Variants in IFT81 observed in about 807,000 individuals in gnomAD.
IFT81 encodes intraflagellar transport protein 81 homolog.
A neutral mutation model predicts 102.6 loss-of-function variants in IFT81; 72 were observed. The ratio of observed to expected loss-of-function variants is 0.70; its 90% CI spans 0.58 to 0.85. The LOEUF (loss-of-function observed/expected upper bound fraction) is 0.85, where lower values mean the gene tolerates loss of function less well. IFT81 is among the 40% of genes least tolerant of loss of function. IFT81 has a pLI of 0.00. For missense variants in IFT81, 723 were observed against 787.3 expected (o/e 0.92, Z 0.98); for synonymous variants, 237 against 242.7 (o/e 0.98, Z 0.22).
chr12:110,172,988 T>TG (rs1205135549), intron 11 of IFT81, among the ~76,000 whole-genome samples: 28 of 123,306 alleles, frequency 2.3e-4, no homozygotes, highest in African/African-American at 8.0e-4. Flanking sequence ...AGGAGGGAGG[T>TG]GGGGGGGTCA....
At chr12:110,158,974 A>G (rs912092581) in intron 10 of IFT81, among the ~76,000 whole-genome samples, 4 of 152,116 alleles carry the variant, frequency 2.6e-5, no homozygotes, top group African/African-American at 9.6e-5. Context: ...CGCCCGCCTC[A>G]GCCTCCCAAA....
intron 11 of IFT81, among the ~76,000 whole-genome samples, chr12:110,163,654 C>T (rs1303106961): frequency 4.9e-5 from 7 of 142,498 alleles, no homozygotes; most frequent in East Asian, 2.0e-4. Context: ...CTCGCTCTGT[C>T]GCCCAGGCTG....
intron 18 of IFT81, chr12:110,216,582 A>G (rs947551338): frequency 2.0e-5 from 9 of 452,918 alleles, no homozygotes; most frequent in African/African-American, 8.0e-5. Flanking sequence ...CAGTGGCACA[A>G]TCTTGGCTCA....
chr12:110,163,614 CTT>C (rs895090240), intron 11 of IFT81, among the ~76,000 whole-genome samples: 11 of 126,104 alleles, frequency 8.7e-5, no homozygotes, highest in Non-Finnish European at 8.5e-5. Context: ...CAAATTTTCA[CTT>C]TTTTTTTTTT....
chr12:110,195,259 T>A (rs138024257), intron 14 of IFT81, among the ~76,000 whole-genome samples: 53 of 152,250 alleles, frequency 3.5e-4, no homozygotes, highest in African/African-American at 1.1e-3. Flanking sequence ...GGTTTAGTTT[T>A]AGCCTTTTAA....
intron 3 of IFT81, 49 bp downstream of exon 3, chr12:110,128,198 C>A: frequency 8.6e-7 from 1 of 1,160,416 alleles, no homozygotes; most frequent in Non-Finnish European, 1.3e-6. Context: ...CTTTAATATC[C>A]AAACCTTCAT....
rs1365902127 is a variant in IFT81, at chr12:110,136,784, T to C, written c.705T>C (p.His235=). Residue 235 remains histidine (H), a synonymous_variant, in exon 8 of 19, where the codon CAT becomes CAC. Coordinates refer to ENST00000242591, the MANE Select transcript of IFT81 (RefSeq NM_014055.4). ...TTAATTGTATTTTAAAGCTATTTCA[T>C]GCAGTGCAAAGATTGCAAAGAGTAC... is the stretch of plus-strand genomic sequence containing the variant. ...QKQEQKNQLF[H]AVQRLQRVQN... 1 of 1,604,456 alleles carries C rather than the reference T, an allele frequency of 6.2e-7. No individual in the cohort carries two copies. The highest frequency in any genetic ancestry group is 2.2e-5 in the East Asian group (1 of 44,762).
At chr12:110,163,659 A>G (rs1896278373) in intron 11 of IFT81, among the ~76,000 whole-genome samples, 1 of 134,684 alleles carries the variant, frequency 7.4e-6, no homozygotes, top group Admixed American at 8.7e-5. Flanking sequence ...TCTGTCGCCC[A>G]GGCTGGAGTG....
intron 10 of IFT81, among the ~76,000 whole-genome samples, chr12:110,147,882 T>C (rs1895313317): frequency 6.6e-6 from 1 of 152,198 alleles, no homozygotes. Context: ...ATAAAGGCTT[T>C]TTAACTTAAC....
chr12:110,193,695 C>T (rs944267749), intron 14 of IFT81, among the ~76,000 whole-genome samples: 2 of 152,128 alleles, frequency 1.3e-5, no homozygotes, highest in Admixed American at 6.5e-5. Flanking sequence ...CTTAAAAATA[C>T]GTAACTTACT....
chr12:110,181,968 C>A (rs767850616), intron 12 of IFT81, among the ~76,000 whole-genome samples: 3 of 152,136 alleles, frequency 2.0e-5, no homozygotes, highest in Non-Finnish European at 4.4e-5. Flanking sequence ...AACTTTGGAA[C>A]AAATTGCACT....
At chr12:110,206,319 T>TA (rs1232412255) in intron 17 of IFT81, among the ~76,000 whole-genome samples, 4 of 151,156 alleles carry the variant, frequency 2.6e-5, no homozygotes, top group Admixed American at 6.6e-5. Context: ...AAATCCTGCC[T>TA]AAAAAAAAAT....
At chr12:110,180,351 T>G in intron 11 of IFT81, 71 bp from the exon 12 acceptor site, 1 of 914,982 alleles carries the variant, frequency 1.1e-6, no homozygotes, top group Non-Finnish European at 1.6e-6. Flanking sequence ...ATATATTGAG[T>G]TTATACAGAT....
At chr12:110,179,476 C>T (rs914867692) in intron 11 of IFT81, among the ~76,000 whole-genome samples, 2 of 151,720 alleles carry the variant, frequency 1.3e-5, no homozygotes, top group Admixed American at 1.3e-4. Context: ...AATCCCAGCA[C>T]TTTGGGAGGC....
At position 110,142,076 on chromosome 12, in the gene IFT81, T is replaced by G. The variant is rs1171968448; in HGVS notation, c.782-1306T>G. ...TTAAAAATATAAATTGCCACTTAACTGTAAACTAATAATACTTTACAAAAT... is the reference window on the plus strand; with the variant it reads ...TTAAAAATATAAATTGCCACTTAACGGTAAACTAATAATACTTTACAAAAT... On this transcript the variant is annotated intron_variant, in intron 8 of 18. Transcript: ENST00000242591. Among the ~76,000 whole-genome samples the G allele has an allele frequency of 3.3e-5, 5 of 152,342 alleles. No individual in the cohort carries two copies. In the East Asian group the frequency reaches 5.8e-4, roughly 18 times the overall value.
chr12:110,210,475 C>G (rs1037262151), intron 18 of IFT81, among the ~76,000 whole-genome samples: 3 of 152,054 alleles, frequency 2.0e-5, no homozygotes, highest in African/African-American at 7.2e-5. Context: ...TGACCCATAC[C>G]TATTTGTAAT....
chr12:110,136,619 T>C (rs1894525440), intron 7 of IFT81, among the ~76,000 whole-genome samples, 157 bp from the exon 8 acceptor site: 1 of 152,250 alleles, frequency 6.6e-6, no homozygotes, highest in Admixed American at 6.5e-5. Flanking sequence ...GAGAACCAGT[T>C]ACATTTTGGG....
chr12:110,161,860 TTG>T, intron 10 of IFT81, among the ~76,000 whole-genome samples: 1 of 152,318 alleles, frequency 6.6e-6, no homozygotes, highest in East Asian at 1.9e-4. Flanking sequence ...TTTTAAGGAT[TTG>T]TGCTAGAGAT....
chr12:110,158,627 T>C (rs961390897), intron 10 of IFT81, among the ~76,000 whole-genome samples: 1 of 152,062 alleles, frequency 6.6e-6, no homozygotes, highest in Non-Finnish European at 1.5e-5. Flanking sequence ...TCTCGCTCTT[T>C]CGCCCAGGCC....
Sources: gnomAD v4.1 joint callset for allele counts (sites outside exome capture counted in the v4.1 genomes callset) on GRCh38, gnomAD v4.1.1 for gene constraint, MANE v1.5 for transcripts, NCBI Gene and HGNC (gene_info 2026-07-23, HGNC 2026-07-21) for gene names.